Variants in ZNF292 observed in about 807,000 individuals in gnomAD.
ZNF292 encodes the protein 16 zinc-finger domain protein.
A neutral mutation model predicts 217.9 loss-of-function variants in ZNF292; 26 were observed. The observed-to-expected ratio is 0.12, with a 90% CI of 0.09 to 0.17. The LOEUF (loss-of-function observed/expected upper bound fraction) is 0.17, where lower values mean the gene tolerates loss of function less well. Among genes scored for constraint, ZNF292 ranks in the 10% least tolerant of loss-of-function variants. The pLI is 1.00. For synonymous variants in ZNF292, 1,257 were observed against 1,124.1 expected (o/e 1.12, Z -2.37); for missense variants, 2,904 against 3,175.2 (o/e 0.91, Z 2.05).
At chr6:87,166,325 G>A (rs1770913347) in intron 1 of ZNF292, among the ~76,000 whole-genome samples, 1 of 152,180 alleles carries the variant, frequency 6.6e-6, no homozygotes, top group Non-Finnish European at 1.5e-5. Flanking sequence ...TGTTACAATA[G>A]TGGAAAGCCA....
At chr6:87,164,422 G>A (rs1189969844) in intron 1 of ZNF292, among the ~76,000 whole-genome samples, 1 of 152,132 alleles carries the variant, frequency 6.6e-6, no homozygotes, top group Non-Finnish European at 1.5e-5. Flanking sequence ...CAATTAAGTG[G>A]TCAAACTCAG....
intron 1 of ZNF292, among the ~76,000 whole-genome samples, chr6:87,192,994 A>G (rs1208429502): frequency 6.6e-6 from 1 of 152,198 alleles, no homozygotes; most frequent in Non-Finnish European, 1.5e-5. Context: ...ATTAAATATG[A>G]GGAAGTTATT....
At position 87,190,245 on chromosome 6, in the gene ZNF292, A is replaced by G. The variant is rs559521144; in HGVS notation, c.169-25658A>G. 1.8e-4 allele frequency among the ~76,000 whole-genome samples: 27 copies of G among 152,288 alleles called. No individual in the cohort carries two copies. In the East Asian group the frequency reaches 4.4e-3, roughly 25 times the overall value. ...CCATAATACCACGTAATAACTAACA[A>G]AATTTATTATGTTTATGCTTTACTG... is the stretch of plus-strand genomic sequence containing the variant. On this transcript the variant is annotated intron_variant, in intron 1 of 7. Coordinates refer to ENST00000369577, the MANE Select transcript of ZNF292 (RefSeq NM_015021.3).
intron 1 of ZNF292, among the ~76,000 whole-genome samples, chr6:87,159,507 TTTTTTTTTTA>T (rs1582359874): frequency 6.9e-6 from 1 of 144,598 alleles, no homozygotes; most frequent in East Asian, 2.0e-4. Flanking sequence ...TTTTTTTTTT[TTTTTTTTTTA>T]AAAAAGATGT....
At chr6:87,201,724 A>G (rs1216536511) in intron 1 of ZNF292, among the ~76,000 whole-genome samples, 1 of 152,120 alleles carries the variant, frequency 6.6e-6, no homozygotes. Context: ...GTTTTAAAGT[A>G]TTGCTTTTCA....
intron 1 of ZNF292, among the ~76,000 whole-genome samples, chr6:87,174,779 C>A (rs1383459784): frequency 6.6e-6 from 1 of 152,052 alleles, no homozygotes; most frequent in Non-Finnish European, 1.5e-5. Context: ...AATCATGACA[C>A]CGATGTGTAT....
chr6:87,234,042 A>G (rs896096263), intron 5 of ZNF292, among the ~76,000 whole-genome samples: 3 of 152,134 alleles, frequency 2.0e-5, no homozygotes, highest in Admixed American at 2.0e-4. Flanking sequence ...TCTCTGAGAC[A>G]TTGTCTTTTC....
intron 1 of ZNF292, among the ~76,000 whole-genome samples, chr6:87,208,784 G>C (rs2127795427): frequency 6.6e-6 from 1 of 152,300 alleles, no homozygotes; most frequent in East Asian, 1.9e-4. Context: ...CCCTGATGAA[G>C]GCTTGGTGTC....
chr6:87,189,077 C>A (rs1418356381), intron 1 of ZNF292, among the ~76,000 whole-genome samples: 1 of 151,802 alleles, frequency 6.6e-6, no homozygotes, highest in Non-Finnish European at 1.5e-5. Context: ...AGGTGGCGAG[C>A]GCCTGTAATT....
chr6:87,241,417 ATTTTTTTT>A (rs34271239), intron 5 of ZNF292, among the ~76,000 whole-genome samples: 3 of 124,676 alleles, frequency 2.4e-5, no homozygotes, highest in Non-Finnish European at 3.4e-5. Flanking sequence ...AAGAGCTTGG[ATTTTTTTT>A]TTTTTTTTTT....
chr6:87,187,979 C>T (rs1381654625), intron 1 of ZNF292, among the ~76,000 whole-genome samples: 2 of 152,244 alleles, frequency 1.3e-5, no homozygotes, highest in East Asian at 1.9e-4. Flanking sequence ...TTTGCTGAGT[C>T]TTTTGATTTT....
At chr6:87,232,234 T>G (rs1582464091) in intron 4 of ZNF292, among the ~76,000 whole-genome samples, 1 of 152,256 alleles carries the variant, frequency 6.6e-6, no homozygotes, top group Admixed American at 6.5e-5. Context: ...CATAGCATTT[T>G]ATAGAAGAAT....
intron 1 of ZNF292, among the ~76,000 whole-genome samples, chr6:87,184,095 T>A (rs1163465550): frequency 6.6e-6 from 1 of 152,278 alleles, no homozygotes; most frequent in Non-Finnish European, 1.5e-5. Flanking sequence ...GAGTCACATT[T>A]ACTAAAATGC....
chr6:87,182,973 T>G (rs1771514904), intron 1 of ZNF292, among the ~76,000 whole-genome samples: 1 of 152,196 alleles, frequency 6.6e-6, no homozygotes, highest in African/African-American at 2.4e-5. Context: ...GTAGGTGATC[T>G]TCCCAATGAA....
chr6:87,234,274 T>C (rs1773791564), intron 5 of ZNF292, among the ~76,000 whole-genome samples: 1 of 152,160 alleles, frequency 6.6e-6, no homozygotes, highest in African/African-American at 2.4e-5. Flanking sequence ...CTATACTAGA[T>C]TGGCTGGGTG....
At chr6:87,238,625 TTCAG>T (rs765939803) in intron 5 of ZNF292, among the ~76,000 whole-genome samples, 3 of 145,736 alleles carry the variant, frequency 2.1e-5, no homozygotes, top group Non-Finnish European at 4.5e-5. Flanking sequence ...GTTTTTTTTT[TTCAG>T]TAAGTATTTA....
At chr6:87,215,306 A>T (rs1000702916) in intron 1 of ZNF292, among the ~76,000 whole-genome samples, 2 of 152,146 alleles carry the variant, frequency 1.3e-5, no homozygotes, top group African/African-American at 4.8e-5. Context: ...AAAAAACACT[A>T]TTACAAAAAT....
Position 87,233,395 on chromosome 6 carries a change from TCAG to T in ZNF292, c.610_612del (p.Gln204del). The T allele has an allele frequency of 1.2e-6, 2 of 1,613,512 alleles. No individual in the cohort carries two copies. The highest frequency in any genetic ancestry group is 1.7e-6 in the Non-Finnish European group (2 of 1,179,656). On this transcript the variant is annotated inframe_deletion, in exon 5 of 8. Coordinates refer to ENST00000369577, the MANE Select transcript of ZNF292 (RefSeq NM_015021.3). ...GAATTAAACATCTAATCAAAACAAATCAGTTAAGTCAAGCAACTGCTCTAGCAA... is the reference window on the plus strand; with the variant it reads ...GAATTAAACATCTAATCAAAACAAATTTAAGTCAAGCAACTGCTCTAGCAA...
intron 1 of ZNF292, among the ~76,000 whole-genome samples, chr6:87,174,696 A>G (rs1232638630): frequency 6.6e-6 from 1 of 152,174 alleles, no homozygotes; most frequent in East Asian, 1.9e-4. Flanking sequence ...TACGCTGCTT[A>G]TTCTTGTCTT....
Sources: allele counts gnomAD v4.1 joint callset (sites outside exome capture counted in the v4.1 genomes callset), GRCh38; gene constraint gnomAD v4.1.1; transcripts MANE v1.5; gene names NCBI Gene and HGNC (gene_info 2026-07-23, HGNC 2026-07-21).